The following CEP112 variants were observed in gnomAD, a reference collection of about 807,000 sequenced individuals.
The protein encoded by CEP112 is centrosomal protein 112.
In CEP112, 127 loss-of-function variants were observed where a neutral mutation model predicts 153.0. The ratio of observed to expected loss-of-function variants is 0.83; its 90% confidence interval spans 0.72 to 0.96. The LOEUF is 0.96. Ranked by LOEUF, CEP112 falls within the 40% of genes least tolerant of loss-of-function variation. CEP112 has a pLI of 0.00. For missense variants in CEP112, 1,089 were observed against 1,101.2 expected, an observed-to-expected ratio of 0.99 and a Z score of 0.16; for synonymous variants, 358 against 374.4, an observed-to-expected ratio of 0.96 and a Z score of 0.51.
rs371527683 is a variant in CEP112, at chr17:65,950,249, CT to C, written c.1872+11213del. Among the ~76,000 whole-genome samples the C allele has an allele frequency of 1.3e-3, 193 of 152,122 alleles. 2 individuals are homozygous for C. Among genetic ancestry groups the C allele is most frequent in the African/African-American group, 4.4e-3 (183 of 41,514 alleles). The stretch of plus-strand genomic sequence containing the variant: ...TACTAGTGAAAATAAAGATTTCTTA[CT>C]GTCAATTTCTACCAAAAATTACATT... On this transcript the variant is annotated intron_variant, in intron 18 of 26. Coordinates refer to ENST00000535342, the MANE Select transcript of CEP112 (RefSeq NM_001199165.4).
At chr17:65,971,540 G>GT (rs1368872227) in intron 17 of CEP112, among the ~76,000 whole-genome samples, 3 of 152,090 alleles carry the variant, frequency 2.0e-5, no homozygotes, top group African/African-American at 7.2e-5. Context: ...CTAAATGTAT[G>GT]TTGCATGTAT....
chr17:65,911,604 T>C lies in CEP112; in HGVS notation c.1981-9270A>G, dbSNP rs546586558. Among the ~76,000 whole-genome samples the C allele has an allele frequency of 9.2e-5, 14 of 152,272 alleles. No homozygotes were observed. In the South Asian group the frequency reaches 2.9e-3, roughly 32 times the overall value. ...AACACTTTGGGAGGCCGAGGTGAGA[T>C]GATCACTTGAGCCCAGGAGTTCAAG... On this transcript the variant is annotated intron_variant, in intron 19 of 26. Coordinates refer to ENST00000535342, the MANE Select transcript of CEP112 (RefSeq NM_001199165.4).
At chr17:65,711,340 ATTT>A (rs1010976974) in intron 23 of CEP112, among the ~76,000 whole-genome samples, 14 of 152,254 alleles carry the variant, frequency 9.2e-5, no homozygotes, top group African/African-American at 3.1e-4. Context: ...TGGGCAAGTT[ATTT>A]ACATTTTTCT....
intron 18 of CEP112, among the ~76,000 whole-genome samples, chr17:65,943,677 G>T (rs543554984): frequency 1.8e-4 from 27 of 152,216 alleles, no homozygotes; most frequent in Admixed American, 6.5e-4. Context: ...AAAATCTCAT[G>T]ATTATGTGTC....
chr17:66,003,902 C>T (rs2064160113), intron 17 of CEP112, among the ~76,000 whole-genome samples: 1 of 152,214 alleles, frequency 6.6e-6, no homozygotes, highest in Admixed American at 6.5e-5. Flanking sequence ...ACCCCCTATC[C>T]ATGGAAAAAC....
At chr17:65,688,173 A>G (rs1181359650) in intron 24 of CEP112, 1 of 152,260 alleles carries the variant, frequency 6.6e-6, no homozygotes, top group Non-Finnish European at 1.5e-5. Context: ...GGGTTATATT[A>G]CATTATTTTG....
At chr17:65,868,410 G>A (rs1051144205) in intron 20 of CEP112, among the ~76,000 whole-genome samples, 2 of 151,766 alleles carry the variant, frequency 1.3e-5, no homozygotes, top group Admixed American at 6.6e-5. Flanking sequence ...TGAGGCAGGA[G>A]AAACGCTTGA....
At chr17:65,899,357 C>T (rs993126341) in intron 20 of CEP112, among the ~76,000 whole-genome samples, 1 of 151,840 alleles carries the variant, frequency 6.6e-6, no homozygotes, top group African/African-American at 2.4e-5. Context: ...ATATATCCTG[C>T]CATTGAAAAT....
chr17:65,854,205 A>C (rs934064844), intron 20 of CEP112, among the ~76,000 whole-genome samples: 4 of 152,354 alleles, frequency 2.6e-5, no homozygotes, highest in Non-Finnish European at 5.9e-5. Context: ...AGTGACAGGA[A>C]TCCAAATGTC....
chr17:65,953,956 C>A (rs149755298), intron 18 of CEP112, among the ~76,000 whole-genome samples: 80 of 152,260 alleles, frequency 5.3e-4, no homozygotes, highest in African/African-American at 1.9e-3. Context: ...ATACTTAAGC[C>A]GGTGTCCCTA....
At chr17:66,095,893 AG>A (rs1292378426) in intron 8 of CEP112, among the ~76,000 whole-genome samples, 3 of 152,030 alleles carry the variant, frequency 2.0e-5, no homozygotes, top group African/African-American at 7.2e-5. Context: ...TGGGAAAAAC[AG>A]TAAGATCCCA....
rs1480822014 is a variant in CEP112, at chr17:66,029,221, G to A, written c.1405C>T (p.Leu469Phe). The change falls in exon 14 of 27, where the codon CTT becomes TTT. Residue 469 changes from leucine (L) to phenylalanine (F), a missense_variant. Transcript: ENST00000535342. ...ATGTTTTGCTCATAATCATTTACAA[G>A]ATGGTCCTTCTCTTTATGCAGTGTG... is the stretch of plus-strand genomic sequence containing the variant. ...RNTLHKEKDH[L>F]VNDYEQNMKL... is the part of the protein sequence containing the mutation. 6.2e-7 allele frequency: 1 copy of A among 1,611,698 alleles called. No homozygotes were observed.
chr17:65,965,518 C>CCTTTTTTTTT (rs1555734627), intron 17 of CEP112, among the ~76,000 whole-genome samples: 1 of 122,090 alleles, frequency 8.2e-6, no homozygotes, highest in Non-Finnish European at 1.7e-5. Context: ...CTTCTGCCCC[C>CCTTTTTTTTT]TTTTTTTTTT....
At chr17:65,927,483 T>C (rs1332409814) in intron 19 of CEP112, 99 bp downstream of exon 19, 1 of 678,620 alleles carries the variant, frequency 1.5e-6, no homozygotes, top group Admixed American at 2.9e-5. Flanking sequence ...CTCTTAGTAA[T>C]ATTTTCATTA....
In CEP112 at chr17:65,740,026, T is replaced by C. The variant is rs1049737799; in HGVS notation, c.2607+3042A>G. 6.6e-5 allele frequency among the ~76,000 whole-genome samples: 10 copies of C among 152,236 alleles called. No individual in the cohort carries two copies. The East Asian group carries it at 1.7e-3, about 26-fold the overall frequency. On this transcript the variant is annotated intron_variant, in intron 23 of 26. Coordinates refer to ENST00000535342, the MANE Select transcript of CEP112 (RefSeq NM_001199165.4). ...AATCATAAATTCTACCACTCAGAGA[T>C]ATCCATTAGTAAAATTTTGATATAA...
intron 21 of CEP112, among the ~76,000 whole-genome samples, chr17:65,808,275 C>T (rs1683321347): frequency 6.6e-6 from 1 of 152,176 alleles, no homozygotes; most frequent in African/African-American, 2.4e-5. Context: ...CCCATTGTAT[C>T]TTGGAAGTAA....
intron 12 of CEP112, among the ~76,000 whole-genome samples, chr17:66,031,335 CA>C (rs2065456817): frequency 9.1e-6 from 1 of 109,732 alleles, no homozygotes; most frequent in East Asian, 2.0e-4. Context: ...CAAAAACAGA[CA>C]AGATAAACTA....
chr17:65,777,615 G>A (rs776822384), intron 21 of CEP112, among the ~76,000 whole-genome samples: 5 of 152,148 alleles, frequency 3.3e-5, no homozygotes, highest in Non-Finnish European at 7.3e-5. Flanking sequence ...CTCAATATGT[G>A]TCTAGTGGTT....
chr17:65,811,195 G>T (rs1322914092), intron 21 of CEP112, among the ~76,000 whole-genome samples: 2 of 152,188 alleles, frequency 1.3e-5, no homozygotes, highest in Non-Finnish European at 2.9e-5. Flanking sequence ...GTTTGGTGTA[G>T]CCAGGGTTGG....
Sources: gnomAD v4.1 joint callset for allele counts (sites outside exome capture counted in the v4.1 genomes callset) on GRCh38, gnomAD v4.1.1 for gene constraint, MANE v1.5 for transcripts, NCBI Gene and HGNC (gene_info 2026-07-23, HGNC 2026-07-21) for gene names.